Variants in BCAM observed in about 807,000 individuals in gnomAD.
BCAM encodes basal cell adhesion molecule (Lutheran blood group).
In BCAM, 61 loss-of-function variants were observed where a neutral mutation model predicts 72.4. The ratio of observed to expected loss-of-function variants is 0.84; its 90% confidence interval spans 0.69 to 1.04. The LOEUF (loss-of-function observed/expected upper bound fraction) is 1.04. Among genes scored for constraint, BCAM ranks in the 50% least tolerant of loss-of-function variants. The probability of loss-of-function intolerance (pLI) is 0.00; values close to 1 mark genes in which losing one functional copy is unlikely to be tolerated. For synonymous variants in BCAM, 408 were observed against 384.2 expected, an observed-to-expected ratio of 1.06 and a Z score of -0.73; for missense variants, 909 against 895.0, an observed-to-expected ratio of 1.02 and a Z score of -0.20.
chr19:44,813,735 T>TAA lies in BCAM; in HGVS notation c.784+123_784+124dup. 1 of 1,337,692 alleles carries TAA rather than the reference T, an allele frequency of 7.5e-7. No individual in the cohort carries two copies. The highest frequency in any genetic ancestry group is 1.0e-6 in the Non-Finnish European group (1 of 1,000,880). 82.9% of individuals were successfully genotyped at this position (1,337,692 alleles called of 1,614,324 possible). A position where few individuals can be genotyped will look rare whatever the true frequency, so the allele number is the denominator to read the frequency against. ...GACCCTCTGCCTCCCTACTTCATGC[T>TAA]AAAAAAAAATGTGCTAGTGCTGGCC... is the stretch of plus-strand genomic sequence containing the variant. On this transcript the variant is annotated intron_variant, in intron 6 of 14. Coordinates refer to ENST00000270233, the MANE Select transcript of BCAM (RefSeq NM_005581.5). This position sits in a 1 kb window ranked among gnomAD's most constrained non-coding sequence, Gnocchi z 4.2.
rs992788732 is a variant in BCAM, at chr19:44,813,498, C to T, written c.662C>T (p.Thr221Ile). 4 of 1,612,578 alleles carry T rather than the reference C, an allele frequency of 2.5e-6. No homozygotes were observed. Among genetic ancestry groups the T allele is most frequent in the Non-Finnish European group, 3.4e-6 (4 of 1,179,916 alleles). Residue 221 changes from threonine (T) to isoleucine (I), a missense_variant, in exon 6 of 15, where the codon ACC becomes ATC. Coordinates refer to ENST00000270233, the MANE Select transcript of BCAM (RefSeq NM_005581.5). This position sits in a 1 kb window ranked among gnomAD's most constrained non-coding sequence, Gnocchi z 4.2. ...EASGLLSLTSTLYLRLRKDDR... is the reference protein window; with the variant it reads ...EASGLLSLTSILYLRLRKDDR... ...TCGGGCCTGCTCTCCCTCACCAGCA[C>T]CCTCTACCTGCGGCTCCGCAAGGAT...
chr19:44,820,820 G>A lies in BCAM; in HGVS notation c.1879G>A (p.Glu627Lys), dbSNP rs1008385792. ...ARGGSGGFGD[E>K]C ...GGGTGGCAGCGGGGGCTTCGGAGAC[G>A]AGGTGGGTGAGGGCCTGGGCCCCCT... The change falls in exon 14 of 15, where the codon GAG becomes AAG. Residue 627 changes from glutamate (E) to lysine (K), a missense_variant and splice_region_variant. By Grantham distance (56) the Glu-to-Lys change is moderately conservative. Transcript: ENST00000270233. 41 of 1,511,730 alleles carry A rather than the reference G, an allele frequency of 2.7e-5. No homozygotes were observed. Among genetic ancestry groups the A allele is most frequent in the Non-Finnish European group, 3.6e-5 (41 of 1,128,814 alleles). The allele number at this position is 1,511,730 out of a possible 1,614,324, so 93.6% of individuals were successfully genotyped here. A position where few individuals can be genotyped will look rare whatever the true frequency, so the allele number is the denominator to read the frequency against.
rs187129923 is a variant in BCAM, at chr19:44,815,836, T to A, written c.1078+1076T>A. 1.5e-3 allele frequency among the ~76,000 whole-genome samples: 216 copies of A among 146,922 alleles called. 1 individual carries two copies. Among genetic ancestry groups the A allele is most frequent in the African/African-American group, 5.1e-3 (204 of 39,724 alleles). On this transcript the variant is annotated intron_variant, in intron 8 of 14. Coordinates refer to ENST00000270233, the MANE Select transcript of BCAM (RefSeq NM_005581.5). ...CCTGGGCAACAGAGGGAGACCCCAT[T>A]TGCACACACACACACACAAATTAAA...
chr19:44,812,305 A>G lies in BCAM; in HGVS notation c.347A>G (p.Gln116Arg). The change falls in exon 3 of 15, where the codon CAG (glutamine) becomes CGG (arginine). Residue 116 changes from glutamine to arginine, a missense_variant. Gln to Arg is a conservative substitution (Grantham distance 43, BLOSUM62 1). Coordinates refer to ENST00000270233, the MANE Select transcript of BCAM (RefSeq NM_005581.5). This position sits in a 1 kb window ranked among gnomAD's most constrained non-coding sequence, Gnocchi z 5.3. ...GGGCGCCTGGTGCTGGCTGAGGCCC[A>G]GGTGGGCGACGAGCGAGACTACGTG... ...SQGRLVLAEA[Q>R]VGDERDYVCV... 6.2e-7 allele frequency: 1 copy of G among 1,612,214 alleles called. No homozygotes were observed. Among genetic ancestry groups the G allele is most frequent in the Non-Finnish European group, 8.5e-7 (1 of 1,178,806 alleles).
chr19:44,816,598 G>A (rs1273620281), intron 8 of BCAM, among the ~76,000 whole-genome samples: 1 of 152,092 alleles, frequency 6.6e-6, no homozygotes, highest in Non-Finnish European at 1.5e-5. Context: ...CCACAATAGG[G>A]GAGGTCAGGG....
Position 44,812,654 on chromosome 19 carries a change from A to C in BCAM, c.504+106A>C. The C allele has an allele frequency of 1.5e-6, 2 of 1,367,038 alleles. No individual in the cohort carries two copies. Among genetic ancestry groups the C allele is most frequent in the Admixed American group, 4.8e-5 (2 of 41,816 alleles). The allele number at this position is 1,367,038 out of a possible 1,614,324, so 84.7% of individuals were successfully genotyped here. A position where few individuals can be genotyped will look rare whatever the true frequency, so the allele number is the denominator to read the frequency against. ...GGGGCTGGGGACCCCTGGGTAATAA[A>C]GGAGGAGGGGTAAGGCCAGGCGAGG... On this transcript the variant is annotated intron_variant, in intron 4 of 14. Coordinates refer to ENST00000270233, the MANE Select transcript of BCAM (RefSeq NM_005581.5). The surrounding 1 kb of genome is among the most constrained non-coding windows in gnomAD (Gnocchi z 5.3).
intron 13 of BCAM, chr19:44,820,085 C>G: frequency 2.6e-6 from 3 of 1,146,260 alleles, no homozygotes; most frequent in Non-Finnish European, 3.2e-6. Context: ...ACCCTGCCCC[C>G]AATCTCCCCT....
At chr19:44,820,308 C>G (rs1385219057) in intron 13 of BCAM, 1 of 1,034,832 alleles carries the variant, frequency 9.7e-7, no homozygotes, top group Non-Finnish European at 1.2e-6. Context: ...CCGAAGCCAA[C>G]TTCACCCATG....
In BCAM at chr19:44,812,809, G is replaced by A. The variant is rs554202858; in HGVS notation, c.504+261G>A. 9 of 496,672 alleles carry A rather than the reference G, an allele frequency of 1.8e-5. No homozygotes were observed. The South Asian group carries it at 1.8e-4, about 10-fold the overall frequency. The allele number at this position is 496,672 out of a possible 1,614,324, so 30.8% of individuals were successfully genotyped here. ...TACTAAAGATACAAAAATTAGCTGG[G>A]TGTGTTGGTGTGCAACTGTAATCCC... On this transcript the variant is annotated intron_variant, in intron 4 of 14. Coordinates refer to ENST00000270233, the MANE Select transcript of BCAM (RefSeq NM_005581.5). This position sits in a 1 kb window ranked among gnomAD's most constrained non-coding sequence, Gnocchi z 5.3.
intron 8 of BCAM, among the ~76,000 whole-genome samples, chr19:44,816,801 T>C (rs1968508551): frequency 6.6e-6 from 1 of 151,856 alleles, no homozygotes; most frequent in South Asian, 2.1e-4. Flanking sequence ...TAGCCAGGCA[T>C]GATGGCTGGT....
At chr19:44,817,247 TAAG>T (rs1230266117) in intron 8 of BCAM, among the ~76,000 whole-genome samples, 2 of 151,766 alleles carry the variant, frequency 1.3e-5, no homozygotes, top group Non-Finnish European at 1.5e-5. Context: ...AAAAAAATAA[TAAG>T]AAGAAGAAAT....
Position 44,821,072 on chromosome 19 carries a change from G to A in BCAM, c.*151G>A. The A allele has an allele frequency of 5.0e-6, 5 of 1,006,686 alleles. No individual in the cohort carries two copies. In the East Asian group the frequency reaches 2.0e-4, roughly 39 times the overall value. 62.4% of individuals were successfully genotyped at this position (1,006,686 alleles called of 1,614,324 possible). A position where few individuals can be genotyped will look rare whatever the true frequency, so the allele number is the denominator to read the frequency against. ...TTCCTTCCTCTGCCGGCAAGGCAGG[G>A]ACCCACAGTGGCTGCCTGCCTCCGG... is the stretch of plus-strand genomic sequence containing the variant. On this transcript the variant is annotated 3_prime_UTR_variant, in exon 15 of 15. Coordinates refer to ENST00000270233, the MANE Select transcript of BCAM (RefSeq NM_005581.5).
At chr19:44,820,474 A>G in intron 13 of BCAM, 1 of 1,250,010 alleles carries the variant, frequency 8.0e-7, no homozygotes, top group Non-Finnish European at 1.0e-6. Flanking sequence ...AGCCAACTCC[A>G]GCTACATTCC....
chr19:44,819,235 C>G (rs367650807), intron 11 of BCAM, 43 bp downstream of exon 11: 1 of 1,612,396 alleles, frequency 6.2e-7, no homozygotes, highest in Non-Finnish European at 8.5e-7. Context: ...TCTCACTCAT[C>G]CAAGTATCAC....
Position 44,813,803 on chromosome 19 carries a change from C to T in BCAM, c.784+183C>T. 1 of 880,642 alleles carries T rather than the reference C, an allele frequency of 1.1e-6. No homozygotes were observed. The highest frequency in any genetic ancestry group is 1.7e-6 in the Non-Finnish European group (1 of 593,224). 54.6% of individuals were successfully genotyped at this position (880,642 alleles called of 1,614,324 possible). A position where few individuals can be genotyped will look rare whatever the true frequency, so the allele number is the denominator to read the frequency against. The stretch of plus-strand genomic sequence containing the variant: ...ATTGGTCGCACAAGCCCCATCCTGA[C>T]CTCTGACCTCCGACCTCCACTTAGC... On this transcript the variant is annotated intron_variant, in intron 6 of 14. Transcript: ENST00000270233. This position sits in a 1 kb window ranked among gnomAD's most constrained non-coding sequence, Gnocchi z 4.2.
chr19:44,819,509 G>A lies in BCAM; in HGVS notation c.1618+19G>A. ...GGCACCGGTGAGTGACTGAGGTGGT[G>A]GCAGAGGAGCCGGGTGTGGGGCAGA... is the stretch of plus-strand genomic sequence containing the variant. On this transcript the variant is annotated intron_variant, in intron 12 of 14. Coordinates refer to ENST00000270233, the MANE Select transcript of BCAM (RefSeq NM_005581.5). 1 of 1,613,820 alleles carries A rather than the reference G, an allele frequency of 6.2e-7. No individual in the cohort carries two copies. Among genetic ancestry groups the A allele is most frequent in the Non-Finnish European group, 8.5e-7 (1 of 1,179,864 alleles).
At position 44,813,445 on chromosome 19, in the gene BCAM, C is replaced by A; in HGVS notation, c.609C>A (p.Tyr203Ter). The change falls in exon 6 of 15, where the codon TAC becomes TAA. Residue 203 changes from tyrosine to a stop codon, truncating the protein, a stop_gained. Transcript: ENST00000270233. LOFTEE classifies it high-confidence loss of function. This position sits in a 1 kb window ranked among gnomAD's most constrained non-coding sequence, Gnocchi z 4.2. ...EVPVEMNPEG[Y>*]MTSRTVREAS... is the part of the protein sequence containing the mutation. ...TCCCCCGATCTCTCCCAGAGGGCTA[C>A]ATGACCAGCCGCACGGTCCGGGAGG... 6.2e-7 allele frequency: 1 copy of A among 1,610,884 alleles called. No homozygotes were observed. The highest frequency in any genetic ancestry group is 1.7e-5 in the Admixed American group (1 of 59,962).
chr19:44,812,520 T>C lies in BCAM; in HGVS notation c.476T>C (p.Leu159Pro), dbSNP rs1421743358. 1 of 1,614,042 alleles carries C rather than the reference T, an allele frequency of 6.2e-7. No homozygotes were observed. Among genetic ancestry groups the C allele is most frequent in the Non-Finnish European group, 8.5e-7 (1 of 1,180,022 alleles). Reference protein sequence around the residue: ...ATEVSPNKGTLSVMEDSAQEI... With the variant: ...ATEVSPNKGTPSVMEDSAQEI... ...GAGGTCTCCCCCAACAAAGGGACAC[T>C]GTCTGTGATGGAGGACTCTGCCCAG... is the stretch of plus-strand genomic sequence containing the variant. Residue 159 changes from leucine to proline, a missense_variant, in exon 4 of 15, where the codon CTG becomes CCG. Transcript: ENST00000270233. The surrounding 1 kb of genome is among the most constrained non-coding windows in gnomAD (Gnocchi z 5.3).
rs943446664 is a variant in BCAM, at chr19:44,809,111, C to A, written c.-14C>A. 3.5e-6 allele frequency: 5 copies of A among 1,429,256 alleles called. No homozygotes were observed. In the African/African-American group the frequency reaches 7.4e-5, roughly 21 times the overall value. The allele number at this position is 1,429,256 out of a possible 1,614,324, so 88.5% of individuals were successfully genotyped here. ...AGCTGCAGCCCGGGCTCAGTCTCCGCCGCCGCCGTGAACATGGAGCCCCCG... is the reference window on the plus strand; with the variant it reads ...AGCTGCAGCCCGGGCTCAGTCTCCGACGCCGCCGTGAACATGGAGCCCCCG... On this transcript the variant is annotated 5_prime_UTR_variant, in exon 1 of 15. Transcript: ENST00000270233.
Sources: gnomAD v4.1 joint callset for allele counts (sites outside exome capture counted in the v4.1 genomes callset) on GRCh38, gnomAD v4.1.1 for gene constraint, Gnocchi (gnomAD v3.1) non-coding constraint, MANE v1.5 for transcripts, NCBI Gene and HGNC (gene_info 2026-07-23, HGNC 2026-07-21) for gene names.